MIR2052HG: variants seen among roughly 807,000 people sequenced by gnomAD.
The protein encoded by MIR2052HG is MIR2052 host gene.
chr8:74,630,867 G>C (rs1448080404), intron 2 of MIR2052HG, among the ~76,000 whole-genome samples: 1 of 152,152 alleles, frequency 6.6e-6, no homozygotes, highest in Non-Finnish European at 1.5e-5. Flanking sequence ...TTGATCCTCA[G>C]ACTGACTTGC....
At chr8:74,654,467 A>G (rs1249434491) in intron 2 of MIR2052HG, among the ~76,000 whole-genome samples, 2 of 152,018 alleles carry the variant, frequency 1.3e-5, no homozygotes, top group Non-Finnish European at 2.9e-5. Flanking sequence ...TGTGGGAGGG[A>G]CCTAGGATGA....
intron 2 of MIR2052HG, chr8:74,632,553 C>T (rs1414985950): frequency 1.3e-5 from 2 of 151,984 alleles, no homozygotes; most frequent in Non-Finnish European, 2.9e-5. Context: ...TATATTAATT[C>T]TGGAAATAAA....
At chr8:74,655,065 C>T (rs1808790671) in intron 2 of MIR2052HG, among the ~76,000 whole-genome samples, 2 of 152,118 alleles carry the variant, frequency 1.3e-5, no homozygotes, top group Admixed American at 6.5e-5. Context: ...ATTTGTGGAA[C>T]TTTGAGCTTG....
intron 4 of MIR2052HG, among the ~76,000 whole-genome samples, chr8:74,749,660 C>G (rs1458836849): frequency 2.0e-5 from 3 of 151,836 alleles, no homozygotes; most frequent in Admixed American, 2.0e-4. Flanking sequence ...ACCAGCCTGA[C>G]CAACATGGTG....
intron 2 of MIR2052HG, among the ~76,000 whole-genome samples, chr8:74,691,216 C>T (rs563228907): frequency 6.6e-6 from 1 of 152,152 alleles, no homozygotes; most frequent in Non-Finnish European, 1.5e-5. Context: ...GCCTGATGGC[C>T]ATGATGTGTG....
At chr8:74,741,753 C>A (rs1809833954) in intron 4 of MIR2052HG, among the ~76,000 whole-genome samples, 1 of 152,168 alleles carries the variant, frequency 6.6e-6, no homozygotes, top group Admixed American at 6.6e-5. Flanking sequence ...CACGTCACAG[C>A]CTCTTGCACT....
At chr8:74,719,849 C>CTTTTTTTT (rs10647233) in intron 4 of MIR2052HG, among the ~76,000 whole-genome samples, 306 of 106,626 alleles carry the variant, frequency 2.9e-3, no homozygotes, top group Middle Eastern at 6.4e-3. Flanking sequence ...TTTCTTTTTT[C>CTTTTTTTT]TTTTTTTTTT....
At chr8:74,642,067 T>C (rs1173591839) in intron 2 of MIR2052HG, among the ~76,000 whole-genome samples, 1 of 152,098 alleles carries the variant, frequency 6.6e-6, no homozygotes, top group Non-Finnish European at 1.5e-5. Context: ...ATTCATATTA[T>C]ATTATTTAAT....
intron 4 of MIR2052HG, among the ~76,000 whole-genome samples, chr8:74,738,266 T>A (rs1809791936): frequency 6.6e-6 from 1 of 152,212 alleles, no homozygotes; most frequent in Admixed American, 6.5e-5. Flanking sequence ...TTCCACCAAC[T>A]CCTCTCTGGC....
chr8:74,654,167 T>G (rs1808780088), intron 2 of MIR2052HG, among the ~76,000 whole-genome samples: 1 of 152,054 alleles, frequency 6.6e-6, no homozygotes, highest in Admixed American at 6.6e-5. Flanking sequence ...TTTTTCTTCA[T>G]TTTCAGTTAG....
chr8:74,681,041 C>T (rs936248047), intron 2 of MIR2052HG, among the ~76,000 whole-genome samples: 9 of 124,982 alleles, frequency 7.2e-5, no homozygotes, highest in Admixed American at 3.2e-4. Context: ...GGAAGGGGAA[C>T]ATCACACTCT....
At chr8:74,655,517 A>G (rs1486029128) in intron 2 of MIR2052HG, among the ~76,000 whole-genome samples, 1 of 152,232 alleles carries the variant, frequency 6.6e-6, no homozygotes, top group Non-Finnish European at 1.5e-5. Flanking sequence ...CCATGGTTTC[A>G]GAGGATCCAA....
At chr8:74,680,080 ATTAGTAACGGAG>A (rs1443103166) in intron 2 of MIR2052HG, among the ~76,000 whole-genome samples, 2 of 152,224 alleles carry the variant, frequency 1.3e-5, no homozygotes, top group African/African-American at 4.8e-5. Context: ...ACCTATAAGA[ATTAGTAACGGAG>A]TTAAAAATGC....
chr8:74,616,213 G>A (rs1305385519), intron 2 of MIR2052HG, among the ~76,000 whole-genome samples: 2 of 151,798 alleles, frequency 1.3e-5, no homozygotes, highest in Non-Finnish European at 2.9e-5. Flanking sequence ...GGTTGAACTA[G>A]TTTACAGTCC....
chr8:74,642,988 A>G (rs1257766681), intron 2 of MIR2052HG, among the ~76,000 whole-genome samples: 1 of 152,192 alleles, frequency 6.6e-6, no homozygotes, highest in Admixed American at 6.5e-5. Context: ...GGCAGGTCAC[A>G]TTCACCTTCC....
intron 2 of MIR2052HG, among the ~76,000 whole-genome samples, chr8:74,640,641 G>A (rs942408696): frequency 1.3e-5 from 2 of 152,022 alleles, no homozygotes; most frequent in African/African-American, 4.8e-5. Flanking sequence ...TAAGGACTCA[G>A]GTACAAATTA....
At chr8:74,717,181 C>G (rs1005435088) in intron 4 of MIR2052HG, among the ~76,000 whole-genome samples, 2 of 151,972 alleles carry the variant, frequency 1.3e-5, no homozygotes, top group Non-Finnish European at 2.9e-5. Context: ...CTGAAAGACC[C>G]TTCCTTGTTG....
At chr8:74,694,702 A>T (rs1006130293) in intron 2 of MIR2052HG, among the ~76,000 whole-genome samples, 1 of 152,222 alleles carries the variant, frequency 6.6e-6, no homozygotes, top group Non-Finnish European at 1.5e-5. Flanking sequence ...TATACACTGG[A>T]AAGTCTCAAC....
At chr8:74,657,509 C>G (rs1808818708) in intron 2 of MIR2052HG, among the ~76,000 whole-genome samples, 1 of 152,048 alleles carries the variant, frequency 6.6e-6, no homozygotes, top group Non-Finnish European at 1.5e-5. Context: ...ATCTCCAGAC[C>G]CATCCTAGAC....
Sources: allele counts gnomAD v4.1 joint callset (sites outside exome capture counted in the v4.1 genomes callset), GRCh38; gene constraint gnomAD v4.1.1; transcripts MANE v1.5; gene names NCBI Gene and HGNC (gene_info 2026-07-23, HGNC 2026-07-21).